PI4K2A: variants seen among roughly 807,000 people sequenced by gnomAD.
PI4K2A encodes phosphatidylinositol 4-kinase type 2 alpha.
A neutral mutation model predicts 55.0 loss-of-function variants in PI4K2A; 20 were observed. That is an observed-to-expected ratio of 0.36 (90% CI 0.26 to 0.53). The LOEUF is 0.53. Among genes scored for constraint, PI4K2A ranks in the 20% least tolerant of loss-of-function variants. The pLI is 0.91. For synonymous variants in PI4K2A, 235 were observed against 258.5 expected, an observed-to-expected ratio of 0.91 and a Z score of 0.87; for missense variants, 463 against 637.1, an observed-to-expected ratio of 0.73 and a Z score of 2.94.
At chr10:97,641,637 C>T (rs1209945862) in intron 1 of PI4K2A, among the ~76,000 whole-genome samples, 4 of 152,114 alleles carry the variant, frequency 2.6e-5, no homozygotes, top group Admixed American at 2.6e-4. Flanking sequence ...GAATTCAGTT[C>T]CAGCCTTCTA....
chr10:97,641,157 T>C (rs775614078), exon 1 of PI4K2A: 2 of 1,606,078 alleles, frequency 1.2e-6, no homozygotes, highest in Admixed American at 3.4e-5. Flanking sequence ...CGGAAGCTAC[T>C]TCGTCAAGGA....
chr10:97,671,600 AG>A (rs1220856485), intron 8 of PI4K2A, among the ~76,000 whole-genome samples: 1 of 152,170 alleles, frequency 6.6e-6, no homozygotes, highest in African/African-American at 2.4e-5. Context: ...TGTTAGAAGG[AG>A]AATCCAAATA....
chr10:97,642,865 T>TTCTTTCTTTCTTTCTTTCTTTCTTTC lies in PI4K2A; in HGVS notation c.435+1689_435+1690insCTTTCTTTCTTTCTTTCTTTCTTTCT, dbSNP rs1554878117. On this transcript the variant is annotated intron_variant, in intron 1 of 8. Transcript: ENST00000370631. ...TTCCTTCCTTCCTTTCTTTCTTTCT[T>TTCTTTCTTTCTTTCTTTCTTTCTTTC]TTTCTTTCTTTCTTTCTTTCTTCCT... Among the ~76,000 whole-genome samples the TTCTTTCTTTCTTTCTTTCTTTCTTTC allele has an allele frequency of 7.1e-4, 38 of 53,736 alleles. 5 individuals carry two copies. The highest frequency in any genetic ancestry group is 1.3e-3 in the Non-Finnish European group (33 of 25,038). 35.3% of individuals were successfully genotyped at this position (53,736 alleles called of 152,430 possible).
intron 8 of PI4K2A, among the ~76,000 whole-genome samples, 164 bp downstream of exon 8, chr10:97,667,284 A>G (rs755570510): frequency 1.3e-5 from 2 of 151,652 alleles, no homozygotes; most frequent in Non-Finnish European, 2.9e-5. Context: ...ATCTCTGCTC[A>G]CTGCAACCTC....
At chr10:97,650,175 GT>G (rs1316904441) in intron 1 of PI4K2A, among the ~76,000 whole-genome samples, 1 of 151,682 alleles carries the variant, frequency 6.6e-6, no homozygotes, top group Non-Finnish European at 1.5e-5. Context: ...CCCTCGATAT[GT>G]GCATTAGGAT....
intron 8 of PI4K2A, among the ~76,000 whole-genome samples, chr10:97,669,550 A>G (rs4919128): frequency 0.47 from 72,104 of 151,930 alleles, 18,240 homozygotes; most frequent in African/African-American, 0.66. Context: ...TTGTAACCTA[A>G]AGTGCCTACT....
chr10:97,642,980 TTC>T (rs953508542), intron 1 of PI4K2A, among the ~76,000 whole-genome samples: 6 of 150,660 alleles, frequency 4.0e-5, no homozygotes, highest in Admixed American at 6.7e-5. Flanking sequence ...CTTTCATTCA[TTC>T]TCTCTTTCTC....
At chr10:97,669,590 A>G (rs1589938831) in intron 8 of PI4K2A, among the ~76,000 whole-genome samples, 1 of 152,188 alleles carries the variant, frequency 6.6e-6, no homozygotes, top group Non-Finnish European at 1.5e-5. Context: ...GCTCCTTCCA[A>G]CATGTACATG....
At chr10:97,655,725 C>T (rs147716337) in intron 2 of PI4K2A, among the ~76,000 whole-genome samples, 17 of 152,218 alleles carry the variant, frequency 1.1e-4, no homozygotes, top group Middle Eastern at 3.4e-3. Flanking sequence ...CAGACGTGCA[C>T]CACCATGCCT....
At chr10:97,671,915 A>G (rs1053784425) in intron 8 of PI4K2A, among the ~76,000 whole-genome samples, 1 of 152,158 alleles carries the variant, frequency 6.6e-6, no homozygotes, top group South Asian at 2.1e-4. Context: ...CGGCCTCCCA[A>G]AGTGCTAGGA....
At chr10:97,672,471 C>T (rs1018503041) in intron 8 of PI4K2A, among the ~76,000 whole-genome samples, 9 of 152,074 alleles carry the variant, frequency 5.9e-5, no homozygotes, top group Non-Finnish European at 1.3e-4. Flanking sequence ...ACACTGGTTC[C>T]TTTTCTGCTT....
intron 4 of PI4K2A, among the ~76,000 whole-genome samples, chr10:97,657,465 C>T (rs1293997431): frequency 6.6e-6 from 1 of 151,948 alleles, no homozygotes; most frequent in Non-Finnish European, 1.5e-5. Context: ...GCCGGGAGTT[C>T]CAGACCAGCC....
chr10:97,671,027 C>T (rs991444814), intron 8 of PI4K2A, among the ~76,000 whole-genome samples: 2 of 152,112 alleles, frequency 1.3e-5, no homozygotes, highest in Admixed American at 6.5e-5. Context: ...ATCCCAGCTA[C>T]TCGGGAGGCT....
chr10:97,660,895 T>C (rs1341488945), intron 4 of PI4K2A, among the ~76,000 whole-genome samples: 1 of 151,654 alleles, frequency 6.6e-6, no homozygotes. Context: ...ACAGTTATTA[T>C]GTAAGGTCTC....
intron 4 of PI4K2A, among the ~76,000 whole-genome samples, chr10:97,658,636 G>T: frequency 6.6e-6 from 1 of 152,146 alleles, no homozygotes. Flanking sequence ...CAGCAGCTGT[G>T]CCATTTTACA....
At chr10:97,672,117 A>G (rs925810138) in intron 8 of PI4K2A, among the ~76,000 whole-genome samples, 2 of 150,256 alleles carry the variant, frequency 1.3e-5, no homozygotes, top group Non-Finnish European at 3.0e-5. Flanking sequence ...GTCTTGGCTC[A>G]CTGCAACCTC....
chr10:97,648,536 T>C (rs931296379), intron 1 of PI4K2A, among the ~76,000 whole-genome samples: 6 of 152,200 alleles, frequency 3.9e-5, no homozygotes, highest in Non-Finnish European at 8.8e-5. Flanking sequence ...AGTAGAAGTA[T>C]TTACCAGTTG....
chr10:97,644,096 C>G (rs902200653), intron 1 of PI4K2A, among the ~76,000 whole-genome samples: 1 of 152,160 alleles, frequency 6.6e-6, no homozygotes, highest in Non-Finnish European at 1.5e-5. Context: ...CACGCCTGTA[C>G]TCTCAGCACT....
chr10:97,672,892 G>A (rs2135764594), intron 8 of PI4K2A, among the ~76,000 whole-genome samples: 1 of 150,736 alleles, frequency 6.6e-6, no homozygotes. Flanking sequence ...CACCCCACCT[G>A]GCTAATTTTT....
Sources: gnomAD v4.1 joint callset for allele counts (sites outside exome capture counted in the v4.1 genomes callset) on GRCh38, gnomAD v4.1.1 for gene constraint, MANE v1.5 for transcripts, NCBI Gene and HGNC (gene_info 2026-07-23, HGNC 2026-07-21) for gene names.